CAPRIN2: variants seen among roughly 807,000 people sequenced by gnomAD.
CAPRIN2 encodes the protein caprin-2.
CAPRIN2 carries 66 observed loss-of-function variants against 130.4 expected under a neutral mutation model. The ratio of observed to expected loss-of-function variants is 0.51; its 90% CI spans 0.42 to 0.62. CAPRIN2 has a LOEUF of 0.62. Ranked by LOEUF, CAPRIN2 falls within the 20% of genes least tolerant of loss-of-function variation. The pLI is 0.00. For missense variants in CAPRIN2, 1,185 were observed against 1,246.6 expected (o/e 0.95, Z 0.74); for synonymous variants, 471 against 444.1 (o/e 1.06, Z -0.76).
At chr12:30,747,016 A>G (rs1181446188) in intron 2 of CAPRIN2, among the ~76,000 whole-genome samples, 1 of 151,982 alleles carries the variant, frequency 6.6e-6, no homozygotes, top group Non-Finnish European at 1.5e-5. Flanking sequence ...AGACATGCTG[A>G]CTCTCTTGTT....
rs1349045967 is a variant in CAPRIN2, at chr12:30,728,904, T to G, written c.1526A>C (p.Lys509Thr). Residue 509 changes from lysine (K) to threonine (T), a missense_variant, in exon 8 of 17, where the codon AAG becomes ACG. Physicochemically the swap from Lys to Thr is moderately conservative, Grantham distance 78. Transcript: ENST00000298892. ...AGGTGTCCAAGACTTTGGAGTTTGC[T>G]TCTTTGGATCTTGTTCTTTCTGCAG... The G allele has an allele frequency of 6.2e-7, 1 of 1,614,066 alleles. No individual in the cohort carries two copies.
intron 12 of CAPRIN2, among the ~76,000 whole-genome samples, chr12:30,717,926 G>C (rs2058170314): frequency 6.6e-6 from 1 of 152,108 alleles, no homozygotes; most frequent in Admixed American, 6.6e-5. Flanking sequence ...AGTTTCCTGA[G>C]CATACTTTCC....
exon 1 of CAPRIN2, chr12:30,753,353 C>T (rs2074912214): frequency 1.2e-6 from 2 of 1,601,462 alleles, no homozygotes; most frequent in Admixed American, 1.7e-5. Flanking sequence ...CCTTCTTTTT[C>T]TCGATGTTTC....
At chr12:30,731,261 G>T in intron 6 of CAPRIN2, 82 bp downstream of exon 7, 1 of 1,013,132 alleles carries the variant, frequency 9.9e-7, no homozygotes, top group Non-Finnish European at 1.5e-6. Context: ...ATTAAAATAA[G>T]GCAATCACTG....
exon 1 of CAPRIN2, chr12:30,753,781 T>C: frequency 6.3e-7 from 1 of 1,583,814 alleles, no homozygotes; most frequent in Non-Finnish European, 8.6e-7. Context: ...TTAAAGTAAT[T>C]AGTGCCGCTA....
chr12:30,752,124 G>A (rs1257616473), intron 1 of CAPRIN2, among the ~76,000 whole-genome samples: 1 of 151,820 alleles, frequency 6.6e-6, no homozygotes, highest in African/African-American at 2.4e-5. Flanking sequence ...GTTTCATCAT[G>A]TTGGCCAGGC....
At chr12:30,740,792 T>C (rs1308630985) in intron 3 of CAPRIN2, among the ~76,000 whole-genome samples, 2 of 152,240 alleles carry the variant, frequency 1.3e-5, no homozygotes, top group African/African-American at 2.4e-5. Flanking sequence ...TAATGCTTTA[T>C]TCACAATGTC....
chr12:30,739,995 T>A (rs2066679069), intron 3 of CAPRIN2, among the ~76,000 whole-genome samples: 1 of 152,324 alleles, frequency 6.6e-6, no homozygotes, highest in East Asian at 1.9e-4. Context: ...CATAAAAGTA[T>A]ACTTCTAACC....
exon 1 of CAPRIN2, chr12:30,753,367 T>C (rs2074915954): frequency 1.2e-6 from 2 of 1,606,870 alleles, no homozygotes; most frequent in South Asian, 1.1e-5. Flanking sequence ...ATGTTTCTAA[T>C]TTTGTGTTTA....
chr12:30,715,440 C>G (rs749819903), intron 13 of CAPRIN2: 1 of 486,880 alleles, frequency 2.1e-6, no homozygotes, highest in East Asian at 5.9e-5. Context: ...TTGTATACCA[C>G]TTATATGAGG....
At chr12:30,712,379 A>G (rs1049432870) in intron 15 of CAPRIN2, among the ~76,000 whole-genome samples, 6 of 152,340 alleles carry the variant, frequency 3.9e-5, no homozygotes, top group Admixed American at 3.9e-4. Flanking sequence ...GAAAAATGTA[A>G]AAGAGCACAC....
Position 30,710,544 on chromosome 12 carries a change from C to G in CAPRIN2, c.2666-74G>C. On this transcript the variant is annotated intron_variant, in intron 16 of 16. Transcript: ENST00000298892. This position sits in a 1 kb window ranked among gnomAD's most constrained non-coding sequence, Gnocchi z 4.8. Reference sequence around the variant, plus strand: ...GAACACAATATTTAACATTAGTCGGCTACTGAAACAGACAAAGATACATTT... The same window carrying G: ...GAACACAATATTTAACATTAGTCGGGTACTGAAACAGACAAAGATACATTT... The G allele has an allele frequency of 6.3e-7, 1 of 1,589,086 alleles. No homozygotes were observed. Among genetic ancestry groups the G allele is most frequent in the East Asian group, 2.2e-5 (1 of 44,592 alleles).
At chr12:30,733,469 T>C (rs562167495) in intron 5 of CAPRIN2, among the ~76,000 whole-genome samples, 160 bp downstream of exon 6, 1 of 152,316 alleles carries the variant, frequency 6.6e-6, no homozygotes, top group East Asian at 1.9e-4. Context: ...TAGCTGCTTT[T>C]AACAGAACTA....
At chr12:30,729,221 A>G (rs200687105) in exon 8 of CAPRIN2, 66 of 1,613,452 alleles carry the variant, frequency 4.1e-5, no homozygotes, top group South Asian at 1.4e-4. Context: ...GCATATCCCA[A>G]CGTTTTGGGA....
At chr12:30,730,253 T>C (rs1339040367) in exon 7 of CAPRIN2, 7 of 1,611,868 alleles carry the variant, frequency 4.3e-6, no homozygotes, top group African/African-American at 1.3e-5. Flanking sequence ...TGTGGTTGTA[T>C]CTCTGGCTGG....
chr12:30,722,193 C>G (rs190545744), intron 11 of CAPRIN2, among the ~76,000 whole-genome samples: 1 of 152,290 alleles, frequency 6.6e-6, no homozygotes, highest in African/African-American at 2.4e-5. Flanking sequence ...ATGGCAGTTC[C>G]TGCTTCCAAA....
At chr12:30,743,390 C>T (rs1304377229) in intron 2 of CAPRIN2, among the ~76,000 whole-genome samples, 1 of 152,190 alleles carries the variant, frequency 6.6e-6, no homozygotes, top group Non-Finnish European at 1.5e-5. Flanking sequence ...AACCTGGATT[C>T]CGTTTCTACC....
At chr12:30,713,936 T>TG in intron 14 of CAPRIN2, 51 bp from the exon 17 acceptor site, 1 of 1,071,500 alleles carries the variant, frequency 9.3e-7, no homozygotes, top group Non-Finnish European at 1.4e-6. Context: ...CATATTAAAC[T>TG]TTTAAACAGT....
exon 1 of CAPRIN2, chr12:30,754,336 T>G (rs925239388): frequency 6.5e-6 from 1 of 153,346 alleles, no homozygotes; most frequent in Non-Finnish European, 1.4e-5. Context: ...CGCACTTACG[T>G]ATCCGTCTCT....
Sources: gnomAD v4.1 joint callset for allele counts (sites outside exome capture counted in the v4.1 genomes callset) on GRCh38, gnomAD v4.1.1 for gene constraint, Gnocchi (gnomAD v3.1) non-coding constraint, MANE v1.5 for transcripts, NCBI Gene and HGNC (gene_info 2026-07-23, HGNC 2026-07-21) for gene names.